The following CDH4 variants were observed in gnomAD, a reference collection of about 807,000 sequenced individuals.
The protein encoded by CDH4 is cadherin-4.
CDH4 carries 33 observed loss-of-function variants against 86.0 expected under a neutral mutation model. That is an observed-to-expected ratio of 0.38 (90% CI 0.29 to 0.51). The LOEUF (loss-of-function observed/expected upper bound fraction) is 0.51, where lower values mean the gene tolerates loss of function less well. CDH4 is among the 20% of genes least tolerant of loss of function. The probability of loss-of-function intolerance (pLI) is 0.86; values close to 1 mark genes in which losing one functional copy is unlikely to be tolerated. For synonymous variants in CDH4, 555 were observed against 549.4 expected (o/e 1.01, Z -0.14); for missense variants, 1,114 against 1,307.4 (o/e 0.85, Z 2.28).
chr20:61,823,906 C>T (rs192208255), intron 4 of CDH4, among the ~76,000 whole-genome samples: 25 of 152,210 alleles, frequency 1.6e-4, no homozygotes, highest in African/African-American at 5.3e-4. Context: ...TGTAGTGGGG[C>T]GGCTTTCTTT....
intron 2 of CDH4, among the ~76,000 whole-genome samples, chr20:61,701,708 G>A (rs1600890706): frequency 1.3e-5 from 2 of 152,262 alleles, no homozygotes; most frequent in Non-Finnish European, 2.9e-5. Context: ...TAGCTTAGGA[G>A]CTGCAGTTCC....
intron 2 of CDH4, among the ~76,000 whole-genome samples, chr20:61,699,882 G>A (rs1404560898): frequency 6.6e-6 from 1 of 152,196 alleles, no homozygotes; most frequent in Non-Finnish European, 1.5e-5. Flanking sequence ...GCATGGGCTG[G>A]CAATGGCTGA....
chr20:61,814,389 C>T (rs1240535089), intron 4 of CDH4, among the ~76,000 whole-genome samples: 5 of 152,140 alleles, frequency 3.3e-5, no homozygotes, highest in Non-Finnish European at 5.9e-5. Context: ...CACTGTGGGC[C>T]GAGGCTGGCA....
chr20:61,600,257 T>C (rs998503861), intron 2 of CDH4, among the ~76,000 whole-genome samples: 2 of 152,202 alleles, frequency 1.3e-5, no homozygotes, highest in African/African-American at 4.8e-5. Flanking sequence ...TCGGGGTCAA[T>C]GATCACCTGG....
In CDH4 at chr20:61,722,175, A is replaced by T. The variant is rs370161162; in HGVS notation, c.170-21388A>T. 3.4e-4 allele frequency among the ~76,000 whole-genome samples: 50 copies of T among 148,830 alleles called. No individual in the cohort carries two copies. In the East Asian group the frequency reaches 7.7e-3, roughly 23 times the overall value. ...GTATCCATTAAAATTACTTCTTTAG[A>T]TGCAGGACCTGCTTTGGGGTTTTTT... On this transcript the variant is annotated intron_variant, in intron 2 of 15. Transcript: ENST00000614565.
chr20:61,870,532 C>T (rs956308322), intron 6 of CDH4, among the ~76,000 whole-genome samples: 2 of 152,190 alleles, frequency 1.3e-5, no homozygotes, highest in Admixed American at 6.5e-5. Context: ...TCTGCATGTC[C>T]CTGCCATCAT....
chr20:61,711,518 G>T (rs1012509930), intron 2 of CDH4, among the ~76,000 whole-genome samples: 1 of 152,176 alleles, frequency 6.6e-6, no homozygotes, highest in African/African-American at 2.4e-5. Flanking sequence ...CTCAAAGCTA[G>T]CAGCACAGCC....
intron 2 of CDH4, among the ~76,000 whole-genome samples, chr20:61,359,571 C>G (rs28499223): frequency 0.23 from 34,604 of 152,140 alleles, 4,440 homozygotes; most frequent in South Asian, 0.35. Flanking sequence ...ATACATGAAG[C>G]AGGTGCTCCG....
At chr20:61,415,056 T>C (rs905791415) in intron 2 of CDH4, among the ~76,000 whole-genome samples, 2 of 152,246 alleles carry the variant, frequency 1.3e-5, no homozygotes, top group African/African-American at 2.4e-5. Context: ...TTCAGAACCC[T>C]TGGCCCACAT....
chr20:61,387,239 CACAA>C (rs1449568352), intron 2 of CDH4, among the ~76,000 whole-genome samples: 2 of 151,920 alleles, frequency 1.3e-5, no homozygotes, highest in African/African-American at 2.4e-5. Flanking sequence ...CAGACAGCCA[CACAA>C]ACACACAGAG....
intron 2 of CDH4, among the ~76,000 whole-genome samples, chr20:61,272,533 A>C (rs1235294065): frequency 6.6e-6 from 1 of 152,234 alleles, no homozygotes; most frequent in Non-Finnish European, 1.5e-5. Context: ...CTTAAATGCC[A>C]TATGGGTCAA....
Position 61,643,758 on chromosome 20 carries a change from C to T in CDH4, c.170-99805C>T, listed in dbSNP as rs559098827. Among the ~76,000 whole-genome samples, 9 of 152,378 alleles carry T rather than the reference C, an allele frequency of 5.9e-5. No individual in the cohort carries two copies. The South Asian group carries it at 1.9e-3, about 32-fold the overall frequency. ...CAGCTGCTGCTACACCAGATCCTCA[C>T]GGTTTTCTGTTCCATGTTCTTTAAC... On this transcript the variant is annotated intron_variant, in intron 2 of 15. Transcript: ENST00000614565.
At chr20:61,467,378 C>G (rs2085478506) in intron 2 of CDH4, among the ~76,000 whole-genome samples, 1 of 152,210 alleles carries the variant, frequency 6.6e-6, no homozygotes, top group South Asian at 2.1e-4. Context: ...GTAGAAGCAT[C>G]TGATTCTCAG....
At chr20:61,918,464 G>A (rs1035657883) in intron 9 of CDH4, among the ~76,000 whole-genome samples, 2 of 152,168 alleles carry the variant, frequency 1.3e-5, no homozygotes, top group Non-Finnish European at 2.9e-5. Context: ...TGTGCTGGAC[G>A]CTGGGGAGGC....
chr20:61,652,860 G>GTTTT lies in CDH4; in HGVS notation c.170-90703_170-90702insTTTT, dbSNP rs752560634. Among the ~76,000 whole-genome samples the GTTTT allele has an allele frequency of 7.8e-4, 110 of 140,408 alleles. 1 individual carries two copies. The highest frequency in any genetic ancestry group is 1.3e-3 in the South Asian group (6 of 4,548). 92.1% of individuals were successfully genotyped at this position (140,408 alleles called of 152,430 possible). On this transcript the variant is annotated intron_variant, in intron 2 of 15. Coordinates refer to ENST00000614565, the MANE Select transcript of CDH4 (RefSeq NM_001794.5). ...AAGAAAAATCAAGAATTTTTTTTTG[G>GTTTT]GGGGGGGATAAAAAATGATCTCCCT...
chr20:61,472,836 T>G (rs760244696), intron 2 of CDH4, among the ~76,000 whole-genome samples: 11 of 152,234 alleles, frequency 7.2e-5, no homozygotes, highest in Non-Finnish European at 1.3e-4. Flanking sequence ...GGCCTGCTTT[T>G]TAGTCAAATA....
In CDH4 at chr20:61,829,234, C is replaced by T. The variant is rs1291342499; in HGVS notation, c.577-15434C>T. Among the ~76,000 whole-genome samples, 1 of 152,234 alleles carries T rather than the reference C, an allele frequency of 6.6e-6. No individual in the cohort carries two copies. The highest frequency in any genetic ancestry group is 2.4e-5 in the African/African-American group (1 of 41,472). ...TCTATGGATTTGCCTGTCCTGCATACTTTGTGTCAATGGAAGGAGGTATTA... is the reference window on the plus strand; with the variant it reads ...TCTATGGATTTGCCTGTCCTGCATATTTTGTGTCAATGGAAGGAGGTATTA... On this transcript the variant is annotated intron_variant, in intron 4 of 15. Transcript: ENST00000614565. The surrounding 1 kb of genome is among the most constrained non-coding windows in gnomAD (Gnocchi z 4.2).
At chr20:61,374,732 T>C (rs1298381290) in intron 2 of CDH4, among the ~76,000 whole-genome samples, 1 of 152,158 alleles carries the variant, frequency 6.6e-6, no homozygotes, top group Non-Finnish European at 1.5e-5. Flanking sequence ...GAATTTAACC[T>C]GAAAGATCAG....
chr20:61,534,379 CTG>C (rs1226977474), intron 2 of CDH4, among the ~76,000 whole-genome samples: 6 of 152,198 alleles, frequency 3.9e-5, no homozygotes, highest in East Asian at 1.9e-4. Flanking sequence ...AGAAAAAACA[CTG>C]TGCAATTTGC....
Sources: allele counts gnomAD v4.1 joint callset (sites outside exome capture counted in the v4.1 genomes callset), GRCh38; gene constraint gnomAD v4.1.1; non-coding constraint Gnocchi (gnomAD v3.1); transcripts MANE v1.5; gene names NCBI Gene and HGNC (gene_info 2026-07-23, HGNC 2026-07-21).